Variants in MED13 observed in about 807,000 individuals in gnomAD.
MED13 encodes the protein mediator of RNA polymerase II transcription subunit 13.
In MED13, 23 loss-of-function variants were observed where a neutral mutation model predicts 225.2. That is an observed-to-expected ratio of 0.10 (90% confidence interval 0.07 to 0.14). The LOEUF (loss-of-function observed/expected upper bound fraction) is 0.14. Ranked by LOEUF, MED13 falls within the 10% of genes least tolerant of loss-of-function variation. The pLI is 1.00. For missense variants in MED13, 2,197 were observed against 2,594.5 expected, an observed-to-expected ratio of 0.85 and a Z score of 3.33; for synonymous variants, 942 against 889.2, an observed-to-expected ratio of 1.06 and a Z score of -1.06.
rs751652047 is a variant in MED13 at position 61,982,949 on chromosome 17, A to AGGAGTCCTT, written c.3045_3053dup (p.Thr1020_Arg1022dup). On this transcript the variant is annotated inframe_insertion, in exon 16 of 30. Transcript: ENST00000397786. ...GTCCACCAGCTCCACGAGGAGTCCG[A>AGGAGTCCTT]GGAGTCCTTGGAGTCCTTGGAGTTG... The AGGAGTCCTT allele has an allele frequency of 1.2e-6, 2 of 1,614,098 alleles. No individual in the cohort carries two copies. Among genetic ancestry groups the AGGAGTCCTT allele is most frequent in the South Asian group, 1.1e-5 (1 of 91,082 alleles).
At chr17:62,001,321 T>C (rs1363475347) in intron 9 of MED13, among the ~76,000 whole-genome samples, 2 of 152,206 alleles carry the variant, frequency 1.3e-5, no homozygotes, top group Admixed American at 6.5e-5. Flanking sequence ...ATAACATTCA[T>C]ACATCCCTGC....
chr17:61,953,834 C>T (rs943034582), intron 26 of MED13, among the ~76,000 whole-genome samples: 14 of 152,128 alleles, frequency 9.2e-5, no homozygotes, highest in Non-Finnish European at 2.1e-4. Context: ...CAGTATTCCC[C>T]CTTATCCATG....
At position 61,992,593 on chromosome 17, in the gene MED13, A is replaced by G; in HGVS notation, c.2210T>C (p.Val737Ala). ...CATAGCATCTTCTTCATGTGATAACACTGTTACACTAGATGTCCCATCTTC... is the reference window on the plus strand; with the variant it reads ...CATAGCATCTTCTTCATGTGATAACGCTGTTACACTAGATGTCCCATCTTC... ...KVEDGTSSVTVLSHEEDAMSL... is the reference protein window; with the variant it reads ...KVEDGTSSVTALSHEEDAMSL... Residue 737 changes from valine (V) to alanine (A), a missense_variant, in exon 11 of 30, where the codon GTG (valine) becomes GCG (alanine). Transcript: ENST00000397786. The G allele has an allele frequency of 1.2e-6, 2 of 1,611,342 alleles. No homozygotes were observed. Among genetic ancestry groups the G allele is most frequent in the Non-Finnish European group, 1.7e-6 (2 of 1,177,736 alleles).
intron 3 of MED13, among the ~76,000 whole-genome samples, chr17:62,040,997 A>T (rs1480818698): frequency 6.6e-6 from 1 of 152,210 alleles, no homozygotes; most frequent in East Asian, 1.9e-4. Flanking sequence ...ATTGTACTTC[A>T]AATTACCATA....
chr17:62,035,702 C>CTT, intron 3 of MED13, 94 bp from the exon 4 acceptor site: 1 of 1,222,434 alleles, frequency 8.2e-7, no homozygotes, highest in Non-Finnish European at 1.1e-6. Flanking sequence ...AAAATGCATA[C>CTT]CCTATTTTGC....
At chr17:62,015,796 C>CTA (rs963153082) in intron 8 of MED13, among the ~76,000 whole-genome samples, 5 of 128,798 alleles carry the variant, frequency 3.9e-5, no homozygotes, top group Non-Finnish European at 3.2e-5. Context: ...TACACACACA[C>CTA]TATATATATC....
chr17:62,037,955 CAAAAAAA>C lies in MED13; in HGVS notation c.471-2354_471-2348del, dbSNP rs397857634. ...TGGGCAACAGAGTGAGACTTCATCT[CAAAAAAA>C]AAAAAAAAAAAAAAAAAAAAAAAGA... On this transcript the variant is annotated intron_variant, in intron 3 of 29. Coordinates refer to ENST00000397786, the MANE Select transcript of MED13 (RefSeq NM_005121.3). Among the ~76,000 whole-genome samples, 39 of 64,750 alleles carry C rather than the reference CAAAAAAA, an allele frequency of 6.0e-4. No homozygotes were observed. In the East Asian group the frequency reaches 0.016, roughly 27 times the overall value. The allele number at this position is 64,750 out of a possible 152,430, so 42.5% of individuals were successfully genotyped here. A position where few individuals can be genotyped will look rare whatever the true frequency, so the allele number is the denominator to read the frequency against.
Position 62,063,171 on chromosome 17 carries a change from A to G in MED13, c.197T>C (p.Leu66Pro). 6.2e-7 allele frequency: 1 copy of G among 1,614,168 alleles called. No individual in the cohort carries two copies. Among genetic ancestry groups the G allele is most frequent in the Non-Finnish European group, 8.5e-7 (1 of 1,180,012 alleles). ...SFSRCLKADV[L>P]GVWRRDQRPG... is the part of the protein sequence containing the mutation. ...TCTTTGATCTCGCCGCCAAACACCA[A>G]GTACATCTGCCTTAAGGCAGCGACT... The change falls in exon 2 of 30, where the codon CTT becomes CCT. Residue 66 changes from leucine (L) to proline (P), a missense_variant. Leu to Pro is a moderately conservative substitution (Grantham distance 98). Around this residue, in one of 12 missense-constraint regions of MED13, gnomAD observed 884 missense variants for 918.5 expected, o/e 0.96. Coordinates refer to ENST00000397786, the MANE Select transcript of MED13 (RefSeq NM_005121.3).
intron 2 of MED13, among the ~76,000 whole-genome samples, chr17:62,056,133 C>T (rs1028620287): frequency 5.9e-5 from 9 of 152,116 alleles, no homozygotes; most frequent in Non-Finnish European, 8.8e-5. Flanking sequence ...GTCCTAATAA[C>T]GCTCAATAAA....
chr17:62,062,296 A>G (rs534074474), intron 2 of MED13, among the ~76,000 whole-genome samples: 2 of 152,342 alleles, frequency 1.3e-5, no homozygotes, highest in Admixed American at 1.3e-4. Flanking sequence ...AAGCTTCAGT[A>G]ATTATATGAA....
rs950139557 is a variant in MED13, at chr17:61,976,027, T to A, written c.3806-3139A>T. On this transcript the variant is annotated intron_variant, in intron 16 of 29. Coordinates refer to ENST00000397786, the MANE Select transcript of MED13 (RefSeq NM_005121.3). ...GCGAGACTCCGTCTCAAAAAAAAAA[T>A]AAATAAATAAAGATTAAACAGAATA... 4.4e-4 allele frequency among the ~76,000 whole-genome samples: 67 copies of A among 151,090 alleles called. 1 individual carries two copies. Among genetic ancestry groups the A allele is most frequent in the East Asian group, 2.7e-3 (14 of 5,158 alleles).
intron 15 of MED13, among the ~76,000 whole-genome samples, chr17:61,983,534 C>A (rs1219227113): frequency 6.6e-6 from 1 of 152,090 alleles, no homozygotes; most frequent in Non-Finnish European, 1.5e-5. Flanking sequence ...TATAAGACAT[C>A]TCAGATTCAG....
At chr17:61,991,086 T>C (rs139402158) in intron 11 of MED13, among the ~76,000 whole-genome samples, 26 of 152,314 alleles carry the variant, frequency 1.7e-4, no homozygotes, top group African/African-American at 5.5e-4. Context: ...ACAATCATAG[T>C]TGAGCTTATT....
At chr17:62,029,142 C>A (rs1434469428) in intron 8 of MED13, 1 of 157,342 alleles carries the variant, frequency 6.4e-6, no homozygotes, top group Admixed American at 6.4e-5. Flanking sequence ...CAAAGCAAGA[C>A]CCTGTCTCTT....
At chr17:61,978,151 CTTTTTT>C (rs201754153) in intron 16 of MED13, among the ~76,000 whole-genome samples, 1 of 144,886 alleles carries the variant, frequency 6.9e-6, no homozygotes. Flanking sequence ...CAAAAACTGC[CTTTTTT>C]TTTTTTTCTT....
intron 2 of MED13, among the ~76,000 whole-genome samples, chr17:62,061,564 A>C (rs568233617): frequency 6.6e-6 from 1 of 152,300 alleles, no homozygotes; most frequent in Non-Finnish European, 1.5e-5. Flanking sequence ...ATATTTTATC[A>C]ATAGTTTATA....
intron 27 of MED13, among the ~76,000 whole-genome samples, chr17:61,952,457 G>A (rs1480144756): frequency 1.3e-5 from 2 of 152,042 alleles, no homozygotes; most frequent in Non-Finnish European, 2.9e-5. Flanking sequence ...AAAAAGCTAT[G>A]GTGAACTGCC....
Position 62,010,555 on chromosome 17 carries a change from A to G in MED13, c.1962T>C (p.Val654=). The change falls in exon 9 of 30, where the codon GTT becomes GTC. Residue 654 remains valine (V), a synonymous_variant. Transcript: ENST00000397786. ...GPFGQESVTS[V]TELMVQCKKP... Reference sequence around the variant, plus strand: ...CTATTAAAAAAAATACATACTCTGTAACTGATGTTACACTTTCCTGTCCAA... The same window carrying G: ...CTATTAAAAAAAATACATACTCTGTGACTGATGTTACACTTTCCTGTCCAA... 6.9e-7 allele frequency: 1 copy of G among 1,454,878 alleles called. No homozygotes were observed. The highest frequency in any genetic ancestry group is 2.4e-5 in the East Asian group (1 of 42,478). The allele number at this position is 1,454,878 out of a possible 1,614,324, so 90.1% of individuals were successfully genotyped here.
chr17:62,011,531 T>C (rs1400003932), intron 8 of MED13, among the ~76,000 whole-genome samples: 2 of 152,178 alleles, frequency 1.3e-5, no homozygotes, highest in African/African-American at 4.8e-5. Context: ...CTAATTTAAA[T>C]ATAGAGGTAA....
Sources: allele counts gnomAD v4.1 joint callset (sites outside exome capture counted in the v4.1 genomes callset), GRCh38; gene constraint gnomAD v4.1.1; regional missense constraint gnomAD v4.1.1; transcripts MANE v1.5; gene names NCBI Gene and HGNC (gene_info 2026-07-23, HGNC 2026-07-21).